Variants in CTNNA2 observed in about 807,000 individuals in gnomAD.
The protein encoded by CTNNA2 is catenin alpha 2.
Under a neutral mutation model 101.0 loss-of-function variants are expected in CTNNA2, and 42 were observed. The observed-to-expected ratio is 0.42, with a 90% CI of 0.32 to 0.54. The LOEUF (loss-of-function observed/expected upper bound fraction) is 0.54. Ranked by LOEUF, CTNNA2 falls within the 20% of genes least tolerant of loss-of-function variation. CTNNA2 has a pLI of 0.14. For missense variants in CTNNA2, 871 were observed against 1,223.1 expected, an observed-to-expected ratio of 0.71 and a Z score of 4.29; for synonymous variants, 450 against 456.4, an observed-to-expected ratio of 0.99 and a Z score of 0.18.
intron 4 of CTNNA2, among the ~76,000 whole-genome samples, chr2:79,501,924 A>C (rs1457936590): frequency 2.0e-5 from 3 of 148,558 alleles, no homozygotes; most frequent in Non-Finnish European, 3.0e-5. Flanking sequence ...TGAACTTTCT[A>C]TTGCTAGCAG....
chr2:79,746,754 A>G (rs1203780714), intron 3 of CTNNA2, among the ~76,000 whole-genome samples: 10 of 152,158 alleles, frequency 6.6e-5, no homozygotes, highest in Admixed American at 5.9e-4. Context: ...ATACCTTCTC[A>G]GGGAAACTTT....
chr2:80,497,613 T>G (rs1237768206), intron 9 of CTNNA2, among the ~76,000 whole-genome samples: 1 of 152,174 alleles, frequency 6.6e-6, no homozygotes, highest in African/African-American at 2.4e-5. Flanking sequence ...CATAATGCCT[T>G]CCATTGGTGT....
intron 2 of CTNNA2, among the ~76,000 whole-genome samples, chr2:79,290,502 C>T (rs748737395): frequency 9.2e-5 from 14 of 152,106 alleles, no homozygotes; most frequent in Non-Finnish European, 2.1e-4. Context: ...CCTGGCCCAC[C>T]ATGCCCCCGT....
At chr2:79,348,442 C>T (rs1016712916) in intron 3 of CTNNA2, among the ~76,000 whole-genome samples, 1 of 152,126 alleles carries the variant, frequency 6.6e-6, no homozygotes, top group Non-Finnish European at 1.5e-5. Context: ...ACAGAACTTT[C>T]CTAGAACTAA....
intron 2 of CTNNA2, among the ~76,000 whole-genome samples, chr2:79,741,664 C>T (rs1671295506): frequency 1.3e-5 from 2 of 152,122 alleles, no homozygotes; most frequent in South Asian, 2.1e-4. Context: ...TTTGTTACTG[C>T]TCTTCCTTTA....
intron 9 of CTNNA2, among the ~76,000 whole-genome samples, chr2:80,469,568 GC>G (rs1210466324): frequency 6.6e-6 from 1 of 152,208 alleles, no homozygotes; most frequent in Non-Finnish European, 1.5e-5. Flanking sequence ...TAGCTTTCTT[GC>G]TGAACACTGA....
intron 9 of CTNNA2, among the ~76,000 whole-genome samples, chr2:80,541,318 G>A (rs951610530): frequency 4.6e-5 from 7 of 152,132 alleles, no homozygotes; most frequent in African/African-American, 1.7e-4. Flanking sequence ...GCAGGAGTAC[G>A]TTGCAGAGTA....
intron 7 of CTNNA2, among the ~76,000 whole-genome samples, chr2:80,206,261 G>A (rs1707525950): frequency 6.6e-6 from 1 of 152,188 alleles, no homozygotes. Flanking sequence ...GAACACCATT[G>A]TGTTCCCAAC....
chr2:80,077,586 TAA>T (rs11330479), intron 7 of CTNNA2, among the ~76,000 whole-genome samples: 218 of 139,978 alleles, frequency 1.6e-3, no homozygotes, highest in African/African-American at 4.7e-3. Context: ...CTGTCTCTAT[TAA>T]AAAAAAAAAA....
chr2:80,013,385 G>A (rs1558728256), intron 7 of CTNNA2, among the ~76,000 whole-genome samples: 1 of 152,132 alleles, frequency 6.6e-6, no homozygotes, highest in Non-Finnish European at 1.5e-5. Context: ...GAGAAAAGAG[G>A]AGTTATACTG....
chr2:79,388,127 A>C (rs371515589), intron 4 of CTNNA2, among the ~76,000 whole-genome samples: 8 of 152,324 alleles, frequency 5.3e-5, no homozygotes, highest in East Asian at 3.9e-4. Flanking sequence ...TCTGCTAGAT[A>C]ATCTAGGTTA....
At chr2:79,537,030 G>T (rs1041518528) in intron 1 of CTNNA2, among the ~76,000 whole-genome samples, 1 of 152,096 alleles carries the variant, frequency 6.6e-6, no homozygotes, top group African/African-American at 2.4e-5. Flanking sequence ...TTCACTCAGG[G>T]TTCTCATGTT....
chr2:79,690,758 G>T (rs926227823), intron 2 of CTNNA2, among the ~76,000 whole-genome samples: 1 of 151,964 alleles, frequency 6.6e-6, no homozygotes, highest in Non-Finnish European at 1.5e-5. Context: ...CAGAGGAAGT[G>T]GGGGCAGAAG....
intron 7 of CTNNA2, among the ~76,000 whole-genome samples, chr2:79,921,937 C>T (rs1686685100): frequency 6.6e-6 from 1 of 152,254 alleles, no homozygotes; most frequent in South Asian, 2.1e-4. Flanking sequence ...ATTCCAGGTT[C>T]CTGCCTTGGT....
chr2:80,413,591 C>T (rs1559089004), intron 8 of CTNNA2, among the ~76,000 whole-genome samples: 2 of 152,302 alleles, frequency 1.3e-5, no homozygotes, highest in East Asian at 3.9e-4. Context: ...TAGATTATAG[C>T]ACTGACTGAT....
At chr2:80,328,239 G>C (rs1670997361) in intron 7 of CTNNA2, 1 of 469,148 alleles carries the variant, frequency 2.1e-6, no homozygotes, top group Non-Finnish European at 4.4e-6. Context: ...CTTTGTCAGG[G>C]AAGCATGATC....
chr2:79,313,662 C>T (rs1486871943), intron 3 of CTNNA2, among the ~76,000 whole-genome samples: 2 of 152,026 alleles, frequency 1.3e-5, no homozygotes, highest in African/African-American at 2.4e-5. Context: ...CCCAAGAGCT[C>T]AACTCAAGGA....
chr2:79,921,732 G>T (rs1455257041), intron 7 of CTNNA2, among the ~76,000 whole-genome samples: 2 of 151,900 alleles, frequency 1.3e-5, no homozygotes, highest in African/African-American at 4.8e-5. Flanking sequence ...AACTCTGCTG[G>T]TTTGAATGCA....
chr2:80,086,709 G>A (rs553509636), intron 7 of CTNNA2, among the ~76,000 whole-genome samples: 3 of 152,200 alleles, frequency 2.0e-5, no homozygotes, highest in Non-Finnish European at 2.9e-5. Flanking sequence ...CTTGAAATGT[G>A]TAGATTGGGG....
Sources: allele counts gnomAD v4.1 joint callset (sites outside exome capture counted in the v4.1 genomes callset), GRCh38; gene constraint gnomAD v4.1.1; transcripts MANE v1.5; gene names NCBI Gene and HGNC (gene_info 2026-07-23, HGNC 2026-07-21).